Variants in ZNF808 observed in about 807,000 individuals in gnomAD.
The protein encoded by ZNF808 is zinc finger protein 808.
Under a neutral mutation model 8.7 loss-of-function variants are expected in ZNF808, and 5 were observed. The observed-to-expected ratio is 0.58, with a 90% CI of 0.30 to 1.21. The LOEUF (loss-of-function observed/expected upper bound fraction) is 1.21. Ranked by LOEUF, ZNF808 falls within the 50% of genes most tolerant of loss-of-function variation. The pLI, the probability that ZNF808 is intolerant of heterozygous loss-of-function variation, is 0.07. For missense variants in ZNF808, 1,103 were observed against 1,098.4 expected, an observed-to-expected ratio of 1.00 and a Z score of -0.06; for synonymous variants, 380 against 366.0, an observed-to-expected ratio of 1.04 and a Z score of -0.44.
In ZNF808 at chr19:52,554,459, C is replaced by G. The variant is rs2123202707; in HGVS notation, c.1543C>G (p.Gln515Glu). 1 of 1,613,966 alleles carries G rather than the reference C, an allele frequency of 6.2e-7. No individual in the cohort carries two copies. Among genetic ancestry groups the G allele is most frequent in the Non-Finnish European group, 8.5e-7 (1 of 1,179,978 alleles). The change falls in exon 5 of 5, where the codon CAG becomes GAG. Residue 515 changes from glutamine (Q) to glutamate (E), a missense_variant. Transcript: ENST00000359798. ...TGGTGAAAAACCTTACAAGTGTAAT[C>G]AGTGTGGCAATACCTTCCGTCACCG... is the stretch of plus-strand genomic sequence containing the variant. Reference protein sequence around the residue: ...HSGEKPYKCNQCGNTFRHRAS... With the variant: ...HSGEKPYKCNECGNTFRHRAS...
intron 2 of ZNF808, among the ~76,000 whole-genome samples, chr19:52,535,053 T>C (rs1177906573): frequency 1.4e-5 from 2 of 148,092 alleles, no homozygotes; most frequent in Admixed American, 6.7e-5. Flanking sequence ...AAAAAAAGGC[T>C]GGGCGGGGTG....
chr19:52,539,548 GTTTTTTTT>G (rs71180473), intron 2 of ZNF808, among the ~76,000 whole-genome samples: 4 of 51,974 alleles, frequency 7.7e-5, no homozygotes, highest in East Asian at 1.7e-3. Flanking sequence ...TGTTGTGGTG[GTTTTTTTT>G]TTTTTTTTTT....
downstream of ZNF808, among the ~76,000 whole-genome samples, chr19:52,561,200 CTCTCTCTCTCTCTATATATATA>C (rs1320054660): frequency 6.0e-3 from 283 of 47,160 alleles, 1 homozygote; most frequent in Non-Finnish European, 9.6e-3. Context: ...CTCTCTCTCT[CTCTCTCTCTCTCTATATATATA>C]TATATATATA....
chr19:52,545,154 A>C lies in ZNF808; in HGVS notation c.63+1807A>C, dbSNP rs561577606. Among the ~76,000 whole-genome samples the C allele has an allele frequency of 5.9e-3, 893 of 151,074 alleles. 10 individuals carry two copies. The highest frequency in any genetic ancestry group is 0.021 in the African/African-American group (853 of 40,638). On this transcript the variant is annotated intron_variant, in intron 3 of 4. Transcript: ENST00000359798. ...AGGCATCAGTGGTACAGGATGCTTTATTACATCATTGATTTTATTTTATTT... is the reference window on the plus strand; with the variant it reads ...AGGCATCAGTGGTACAGGATGCTTTCTTACATCATTGATTTTATTTTATTT...
At chr19:52,558,487 T>C (rs774407925), downstream of ZNF808, among the ~76,000 whole-genome samples, 56 of 152,142 alleles carry the variant, frequency 3.7e-4, no homozygotes, top group Non-Finnish European at 7.1e-4. Flanking sequence ...TTCTTGTGCC[T>C]CAGCCTCCCG....
rs2059797725 is a variant in ZNF808 at position 52,553,401 on chromosome 19, C to T, written c.485C>T (p.Ser162Leu). ...GATCAGCTTGGATCAAGCTTTTATT[C>T]ACATCTGCCTGAACTCCACATATTT... is the stretch of plus-strand genomic sequence containing the variant. ...IKDQLGSSFY[S>L]HLPELHIFQI... Residue 162 changes from serine (S) to leucine (L), a missense_variant, in exon 5 of 5, where the codon TCA (serine) becomes TTA (leucine). Physicochemically the swap from Ser to Leu is moderately radical, Grantham distance 145 (BLOSUM62 -2). Transcript: ENST00000359798. 2 of 1,614,188 alleles carry T rather than the reference C, an allele frequency of 1.2e-6. No individual in the cohort carries two copies. The highest frequency in any genetic ancestry group is 1.7e-5 in the Admixed American group (1 of 60,020).
At chr19:52,563,115 G>A (rs1246231779) in intron 3 of ZNF808, among the ~76,000 whole-genome samples, 1 of 151,976 alleles carries the variant, frequency 6.6e-6, no homozygotes, top group African/African-American at 2.4e-5. Flanking sequence ...GTATTTACTT[G>A]AACTCATACA....
chr19:52,550,934 A>C (rs1207522315), intron 4 of ZNF808, among the ~76,000 whole-genome samples: 1 of 152,126 alleles, frequency 6.6e-6, no homozygotes, highest in Non-Finnish European at 1.5e-5. Context: ...GAAATAGCTT[A>C]GACTGGCCAG....
At chr19:52,535,330 C>CAAAAAA (rs560559835) in intron 2 of ZNF808, among the ~76,000 whole-genome samples, 2 of 70,140 alleles carry the variant, frequency 2.9e-5, no homozygotes, top group African/African-American at 5.3e-5. Context: ...GACTCCGTCT[C>CAAAAAA]AAAAAAAAAA....
intron 4 of ZNF808, among the ~76,000 whole-genome samples, chr19:52,550,469 A>G (rs753009128): frequency 6.6e-6 from 1 of 151,488 alleles, no homozygotes; most frequent in African/African-American, 2.4e-5. Flanking sequence ...ACCTCAAGTG[A>G]TCTACCTACC....
At chr19:52,561,058 A>G (rs1014011395), downstream of ZNF808, among the ~76,000 whole-genome samples, 2 of 152,012 alleles carry the variant, frequency 1.3e-5, no homozygotes, top group Admixed American at 6.6e-5. Context: ...GACTCAGCAC[A>G]TGATCCATGA....
rs780627649 is a variant in ZNF808 at position 52,554,565 on chromosome 19, G to A, written c.1649G>A (p.Arg550His). The stretch of plus-strand genomic sequence containing the variant: ...ACGGTTTGTAACAAGGTTTTCATGC[G>A]TAATTCAGTCCTGGCTGTACATACT... Reference protein sequence around the residue: ...KCTVCNKVFMRNSVLAVHTRI... With the variant: ...KCTVCNKVFMHNSVLAVHTRI... Residue 550 changes from arginine (R) to histidine (H), a missense_variant, in exon 5 of 5, where the codon CGT (arginine) becomes CAT (histidine). Transcript: ENST00000359798. 13 of 1,613,586 alleles carry A rather than the reference G, an allele frequency of 8.1e-6. No homozygotes were observed. In the South Asian group the frequency reaches 8.8e-5, roughly 11 times the overall value.
intron 1 of ZNF808, among the ~76,000 whole-genome samples, chr19:52,531,429 C>T (rs185951710): frequency 1.7e-3 from 258 of 152,030 alleles, no homozygotes; most frequent in African/African-American, 3.1e-3. Flanking sequence ...GAGCCAAGAT[C>T]GCGCCATTGC....
At chr19:52,544,845 G>A (rs1006133691) in intron 3 of ZNF808, among the ~76,000 whole-genome samples, 5 of 151,946 alleles carry the variant, frequency 3.3e-5, no homozygotes, top group African/African-American at 4.8e-5. Flanking sequence ...TTGTAGTGGC[G>A]GCATCTCAGC....
chr19:52,533,671 T>C (rs1214654158), intron 2 of ZNF808, among the ~76,000 whole-genome samples: 1 of 151,126 alleles, frequency 6.6e-6, no homozygotes, highest in East Asian at 2.0e-4. Context: ...CTGACAAACA[T>C]GTTGAAACCC....
chr19:52,558,990 G>A (rs752183182), downstream of ZNF808, among the ~76,000 whole-genome samples: 23 of 152,182 alleles, frequency 1.5e-4, no homozygotes, highest in Non-Finnish European at 2.4e-4. Flanking sequence ...AGAACACTGC[G>A]AAAGGCCGCA....
chr19:52,549,394 G>A (rs1288082760), intron 4 of ZNF808, among the ~76,000 whole-genome samples: 7 of 149,732 alleles, frequency 4.7e-5, no homozygotes, highest in African/African-American at 7.4e-5. Flanking sequence ...TGCCTTTCTG[G>A]TATCTACACA....
chr19:52,540,899 T>C (rs566663820), intron 2 of ZNF808, among the ~76,000 whole-genome samples: 15 of 152,292 alleles, frequency 9.8e-5, no homozygotes, highest in Admixed American at 2.0e-4. Context: ...CCTTACAACT[T>C]GAAAGAAGTT....
downstream of ZNF808, among the ~76,000 whole-genome samples, chr19:52,567,099 G>A (rs369960274): frequency 4.0e-5 from 6 of 151,614 alleles, no homozygotes; most frequent in African/African-American, 1.5e-4. Context: ...TTACAGGCAT[G>A]CACCACCACC....
Sources: allele counts gnomAD v4.1 joint callset (sites outside exome capture counted in the v4.1 genomes callset), GRCh38; gene constraint gnomAD v4.1.1; transcripts MANE v1.5; gene names NCBI Gene and HGNC (gene_info 2026-07-23, HGNC 2026-07-21).